SYBU: variants seen among roughly 807,000 people sequenced by gnomAD.
SYBU encodes syntabulin, also known as GOLSYN A protein.
In SYBU, 21 loss-of-function variants were observed where a neutral mutation model predicts 35.9. The ratio of observed to expected loss-of-function variants is 0.58; its 90% CI spans 0.41 to 0.84. The LOEUF (loss-of-function observed/expected upper bound fraction) is 0.84, where lower values mean the gene tolerates loss of function less well. Ranked by LOEUF, SYBU falls within the 40% of genes least tolerant of loss-of-function variation. SYBU has a pLI of 0.00. For synonymous variants in SYBU, 319 were observed against 324.3 expected (o/e 0.98, Z 0.18); for missense variants, 768 against 848.2 (o/e 0.91, Z 1.17).
chr8:109,669,214 C>T (rs578198972), intron 1 of SYBU, among the ~76,000 whole-genome samples: 12 of 151,946 alleles, frequency 7.9e-5, no homozygotes, highest in Non-Finnish European at 1.8e-4. Flanking sequence ...TGGTGGCAGG[C>T]ACCTGTAGTC....
intron 3 of SYBU, among the ~76,000 whole-genome samples, chr8:109,592,814 T>G (rs1157684943): frequency 6.6e-6 from 1 of 152,202 alleles, no homozygotes; most frequent in African/African-American, 2.4e-5. Context: ...TATATATGTA[T>G]ACACACACAT....
intron 2 of SYBU, among the ~76,000 whole-genome samples, chr8:109,642,337 C>T (rs1423428569): frequency 6.6e-6 from 1 of 152,108 alleles, no homozygotes; most frequent in Non-Finnish European, 1.5e-5. Context: ...GGAGAAATAC[C>T]TAATGTAGAT....
intron 1 of SYBU, among the ~76,000 whole-genome samples, chr8:109,687,016 C>T (rs1817533210): frequency 6.6e-6 from 1 of 152,206 alleles, no homozygotes; most frequent in Admixed American, 6.5e-5. Context: ...AATACCACTA[C>T]TATTAATGCA....
chr8:109,679,475 C>T (rs1009673874), intron 1 of SYBU, among the ~76,000 whole-genome samples: 3 of 152,318 alleles, frequency 2.0e-5, no homozygotes, highest in Admixed American at 6.5e-5. Flanking sequence ...GGGTCTGGAT[C>T]GGGACCCCTT....
At chr8:109,602,021 C>T (rs2130068212) in intron 3 of SYBU, among the ~76,000 whole-genome samples, 1 of 152,132 alleles carries the variant, frequency 6.6e-6, no homozygotes, top group South Asian at 2.1e-4. Flanking sequence ...ATTCAGGTGA[C>T]TGTTACAGTT....
chr8:109,671,467 G>A (rs1412715535), intron 1 of SYBU, among the ~76,000 whole-genome samples: 1 of 152,090 alleles, frequency 6.6e-6, no homozygotes, highest in Non-Finnish European at 1.5e-5. Flanking sequence ...ATGGCAGATG[G>A]CCCTCCTCAG....
At chr8:109,634,176 T>C (rs1813952733) in intron 2 of SYBU, among the ~76,000 whole-genome samples, 1 of 152,216 alleles carries the variant, frequency 6.6e-6, no homozygotes, top group Non-Finnish European at 1.5e-5. Flanking sequence ...TTACCCACAG[T>C]GATCTCTCTT....
At chr8:109,672,063 A>ATGT (rs1817001655) in intron 1 of SYBU, among the ~76,000 whole-genome samples, 2 of 152,052 alleles carry the variant, frequency 1.3e-5, no homozygotes, top group African/African-American at 4.8e-5. Context: ...CACCATGCCC[A>ATGT]GCTAATTTTG....
intron 2 of SYBU, among the ~76,000 whole-genome samples, chr8:109,619,726 T>A (rs543585606): frequency 1.3e-5 from 2 of 152,268 alleles, no homozygotes; most frequent in African/African-American, 4.8e-5. Context: ...ATCTGGAAAA[T>A]AAAATTACTT....
chr8:109,670,728 C>T lies in SYBU; in HGVS notation c.-129+9983G>A, dbSNP rs138265466. Among the ~76,000 whole-genome samples, 14 of 152,180 alleles carry T rather than the reference C, an allele frequency of 9.2e-5. No homozygotes were observed. In the East Asian group the frequency reaches 1.7e-3, roughly 19 times the overall value. On this transcript the variant is annotated intron_variant, in intron 1 of 5. Coordinates refer to the SYBU transcript ENST00000408889. ...TTAAAGAGGATTTGCTTTATTTCTG[C>T]CAGCATATCAGTTTTTACCAAACAA...
chr8:109,661,114 T>A (rs1222462119), intron 1 of SYBU, among the ~76,000 whole-genome samples: 1 of 152,210 alleles, frequency 6.6e-6, no homozygotes, highest in Non-Finnish European at 1.5e-5. Flanking sequence ...GAATAGATTT[T>A]GGACAGAAGT....
chr8:109,645,661 A>G, upstream of SYBU: 1 of 270,684 alleles, frequency 3.7e-6, no homozygotes, highest in South Asian at 3.7e-5. Flanking sequence ...TGCTGTTGAA[A>G]CGGCATCTCG....
At chr8:109,606,736 A>G (rs1826103897) in intron 3 of SYBU, among the ~76,000 whole-genome samples, 2 of 152,238 alleles carry the variant, frequency 1.3e-5, no homozygotes, top group African/African-American at 4.8e-5. Context: ...GGGACAGAGT[A>G]GTCCTTGGTA....
intron 1 of SYBU, among the ~76,000 whole-genome samples, chr8:109,687,663 T>C (rs1332500442): frequency 2.0e-5 from 3 of 152,220 alleles, no homozygotes; most frequent in Admixed American, 6.5e-5. Context: ...CCTGGGCTTC[T>C]AAGAATTACT....
intron 1 of SYBU, among the ~76,000 whole-genome samples, chr8:109,658,955 A>T (rs1166382864): frequency 9.4e-6 from 1 of 106,538 alleles, no homozygotes; most frequent in East Asian, 5.6e-4. Context: ...GACTCTGCCT[A>T]AAAAAAAAAA....
chr8:109,637,383 A>G lies in SYBU; in HGVS notation c.229+5345T>C, dbSNP rs187987627. ...CTTTTCACCATTCCTACTGCTAAGAATTGTTGATTAAATGGCAAAAATTTT... is the reference window on the plus strand; with the variant it reads ...CTTTTCACCATTCCTACTGCTAAGAGTTGTTGATTAAATGGCAAAAATTTT... On this transcript the variant is annotated intron_variant, in intron 2 of 6. Coordinates refer to ENST00000276646, the MANE Select transcript of SYBU (RefSeq NM_001099754.2). Among the ~76,000 whole-genome samples, 447 of 152,328 alleles carry G rather than the reference A, an allele frequency of 2.9e-3. 5 individuals are homozygous for G. The highest frequency in any genetic ancestry group is 5.4e-3 in the Admixed American group (82 of 15,298).
intron 1 of SYBU, among the ~76,000 whole-genome samples, chr8:109,664,273 G>A (rs1816678533): frequency 6.6e-6 from 1 of 152,162 alleles, no homozygotes; most frequent in African/African-American, 2.4e-5. Context: ...GCTCTATTAT[G>A]TGGGGGAGGG....
intron 2 of SYBU, among the ~76,000 whole-genome samples, chr8:109,642,220 C>A (rs1321478072): frequency 6.6e-6 from 1 of 152,130 alleles, no homozygotes; most frequent in Non-Finnish European, 1.5e-5. Flanking sequence ...AAACCAAATA[C>A]CGCATGTTCT....
intron 1 of SYBU, chr8:109,644,293 G>C (rs2130664113): frequency 1.9e-6 from 1 of 528,932 alleles, no homozygotes; most frequent in Non-Finnish European, 3.6e-6. Flanking sequence ...TGACACGCGG[G>C]AGTCCTCTTT....
Sources: allele counts gnomAD v4.1 joint callset (sites outside exome capture counted in the v4.1 genomes callset), GRCh38; gene constraint gnomAD v4.1.1; transcripts MANE v1.5; gene names NCBI Gene and HGNC (gene_info 2026-07-23, HGNC 2026-07-21).